Variants in GALNT18 observed in about 807,000 individuals in gnomAD.
GALNT18 encodes the protein polypeptide N-acetylgalactosaminyltransferase 18.
A neutral mutation model predicts 69.5 loss-of-function variants in GALNT18; 44 were observed. That is an observed-to-expected ratio of 0.63 (90% CI 0.50 to 0.81). GALNT18 has a LOEUF of 0.81. Ranked by LOEUF, GALNT18 falls within the 40% of genes least tolerant of loss-of-function variation. The pLI is 0.00. For missense variants in GALNT18, 715 were observed against 810.0 expected (o/e 0.88, Z 1.42); for synonymous variants, 364 against 318.2 (o/e 1.14, Z -1.53).
At position 11,454,087 on chromosome 11, in the gene GALNT18, T is replaced by A. The variant is rs2133827754; in HGVS notation, c.236-5151A>T. The stretch of plus-strand genomic sequence containing the variant: ...GCATTAGCAGTGGGTCGTCGTGAGG[T>A]CAGAAAACTCCCTGCCTACTAGAGA... On this transcript the variant is annotated intron_variant, in intron 1 of 10. Transcript: ENST00000227756. This position sits in a 1 kb window ranked among gnomAD's most constrained non-coding sequence, Gnocchi z 4.2. Among the ~76,000 whole-genome samples the A allele has an allele frequency of 6.6e-6, 1 of 152,076 alleles. No homozygotes were observed. The highest frequency in any genetic ancestry group is 1.9e-4 in the East Asian group (1 of 5,176).
At chr11:11,565,931 A>G (rs1001860460) in intron 1 of GALNT18, among the ~76,000 whole-genome samples, 3 of 152,340 alleles carry the variant, frequency 2.0e-5, no homozygotes, top group Admixed American at 2.0e-4. Flanking sequence ...AGGAAACCGC[A>G]GGAACAAAGA....
chr11:11,322,297 T>G (rs979504157), intron 9 of GALNT18, among the ~76,000 whole-genome samples: 1 of 152,238 alleles, frequency 6.6e-6, no homozygotes, highest in African/African-American at 2.4e-5. Flanking sequence ...GAATCCACAC[T>G]GTAAGTATAA....
chr11:11,506,057 G>T (rs1047898985), intron 1 of GALNT18, among the ~76,000 whole-genome samples: 3 of 152,188 alleles, frequency 2.0e-5, no homozygotes, highest in African/African-American at 7.2e-5. Context: ...GAACCATCTG[G>T]CTGCTTTAGT....
rs1849786404 is a variant in GALNT18, at chr11:11,318,103, T to C, written c.1512+8983A>G. On this transcript the variant is annotated intron_variant, in intron 9 of 10. Coordinates refer to ENST00000227756, the MANE Select transcript of GALNT18 (RefSeq NM_198516.3). The surrounding 1 kb of genome is among the most constrained non-coding windows in gnomAD (Gnocchi z 5.1). ...TACCCCTCTGAGTCAGGCAGGGCCA[T>C]GTTACCATGTCTGGCCAGTGAAATG... 1.3e-5 allele frequency among the ~76,000 whole-genome samples: 2 copies of C among 152,184 alleles called. No homozygotes were observed. Among genetic ancestry groups the C allele is most frequent in the South Asian group, 4.1e-4 (2 of 4,830 alleles).
At chr11:11,574,350 G>C (rs745564776) in intron 1 of GALNT18, among the ~76,000 whole-genome samples, 1 of 152,190 alleles carries the variant, frequency 6.6e-6, no homozygotes, top group Admixed American at 6.5e-5. Flanking sequence ...TCCCTAGACT[G>C]GGGGAGTAGA....
intron 1 of GALNT18, among the ~76,000 whole-genome samples, chr11:11,566,006 G>A (rs994630608): frequency 1.3e-5 from 2 of 152,194 alleles, no homozygotes; most frequent in African/African-American, 4.8e-5. Flanking sequence ...ACCTTACAGG[G>A]AATTGATGAG....
At position 11,338,756 on chromosome 11, in the gene GALNT18, A is replaced by T. The variant is rs1564900432; in HGVS notation, c.1278+2063T>A. On this transcript the variant is annotated intron_variant, in intron 7 of 10. Coordinates refer to ENST00000227756, the MANE Select transcript of GALNT18 (RefSeq NM_198516.3). The surrounding 1 kb of genome is among the most constrained non-coding windows in gnomAD (Gnocchi z 5.3). ...ATGGGTGGGAGTCCAATGCAAGAGT[A>T]GATGATATTACCCAGGGAGATGCGG... Among the ~76,000 whole-genome samples, 2 of 152,158 alleles carry T rather than the reference A, an allele frequency of 1.3e-5. No homozygotes were observed. Among genetic ancestry groups the T allele is most frequent in the Non-Finnish European group, 2.9e-5 (2 of 68,042 alleles).
intron 6 of GALNT18, among the ~76,000 whole-genome samples, chr11:11,371,829 G>C (rs1474101763): frequency 6.6e-6 from 1 of 152,186 alleles, no homozygotes; most frequent in African/African-American, 2.4e-5. Context: ...TGTTTTCACC[G>C]GCCAAGGGGG....
Position 11,436,089 on chromosome 11 carries a change from G to A in GALNT18, c.429-3302C>T, listed in dbSNP as rs4909999. Among the ~76,000 whole-genome samples the A allele has an allele frequency of 0.18, 27,128 of 152,198 alleles. 3,058 individuals are homozygous for A. Among genetic ancestry groups the A allele is most frequent in the East Asian group, 0.53 (2,724 of 5,148 alleles). On this transcript the variant is annotated intron_variant, in intron 2 of 10. Coordinates refer to ENST00000227756, the MANE Select transcript of GALNT18 (RefSeq NM_198516.3). The surrounding 1 kb of genome is among the most constrained non-coding windows in gnomAD (Gnocchi z 4.5). Reference sequence around the variant, plus strand: ...TGTGGCCCTGCGTGAGCAGAGAGGCGAGGGGTGGGCAGGGTAAGGAAGATG... The same window carrying A: ...TGTGGCCCTGCGTGAGCAGAGAGGCAAGGGGTGGGCAGGGTAAGGAAGATG...
Position 11,344,227 on chromosome 11 carries a change from ACGC to A in GALNT18, c.1093-3226_1093-3224del, listed in dbSNP as rs1167086429. 2.7e-5 allele frequency among the ~76,000 whole-genome samples: 4 copies of A among 146,030 alleles called. No homozygotes were observed. The East Asian group carries it at 8.1e-4, about 29-fold the overall frequency. On this transcript the variant is annotated intron_variant, in intron 6 of 10. Transcript: ENST00000227756. ...CTGCTACAGCCTCTATGCTGTAGCC[ACGC>A]TATTTTTTTTACTTCCTCTCACATG...
At chr11:11,479,243 T>C (rs2403509) in intron 1 of GALNT18, among the ~76,000 whole-genome samples, 1 of 152,134 alleles carries the variant, frequency 6.6e-6, no homozygotes, top group Non-Finnish European at 1.5e-5. Flanking sequence ...AAATAAAGTT[T>C]ACATCATGGA....
chr11:11,362,385 C>A (rs573489253), intron 6 of GALNT18, among the ~76,000 whole-genome samples: 1 of 151,642 alleles, frequency 6.6e-6, no homozygotes, highest in Non-Finnish European at 1.5e-5. Flanking sequence ...CAAACAAACA[C>A]GAGAAGTAAA....
chr11:11,576,636 T>C (rs181573804), intron 1 of GALNT18, among the ~76,000 whole-genome samples: 3 of 152,212 alleles, frequency 2.0e-5, no homozygotes, highest in Middle Eastern at 3.4e-3. Flanking sequence ...TGGAAGGAAA[T>C]GAAGCTAGGA....
chr11:11,532,514 A>G (rs1214196771), intron 1 of GALNT18, among the ~76,000 whole-genome samples: 1 of 152,164 alleles, frequency 6.6e-6, no homozygotes, highest in Admixed American at 6.5e-5. Context: ...CACGGTGGGC[A>G]CTCAATCAAT....
At chr11:11,594,834 TATATATACAC>T (rs1471211261) in intron 1 of GALNT18, among the ~76,000 whole-genome samples, 27 of 34,696 alleles carry the variant, frequency 7.8e-4, no homozygotes, top group South Asian at 1.8e-3. Flanking sequence ...TATATATATA[TATATATACAC>T]ATATACATAC....
In GALNT18 at chr11:11,315,441, T is replaced by G. The variant is rs1455746251; in HGVS notation, c.1512+11645A>C. The stretch of plus-strand genomic sequence containing the variant: ...AACACAGGCAAGGATACGTTAGGCA[T>G]GGGTCTTCATGGATTCTCAAAGGGC... On this transcript the variant is annotated intron_variant, in intron 9 of 10. Coordinates refer to ENST00000227756, the MANE Select transcript of GALNT18 (RefSeq NM_198516.3). The surrounding 1 kb of genome is among the most constrained non-coding windows in gnomAD (Gnocchi z 5.6). 6.6e-6 allele frequency among the ~76,000 whole-genome samples: 1 copy of G among 152,170 alleles called. No individual in the cohort carries two copies. The highest frequency in any genetic ancestry group is 1.5e-5 in the Non-Finnish European group (1 of 68,036).
intron 3 of GALNT18, among the ~76,000 whole-genome samples, chr11:11,412,642 C>A (rs899642688): frequency 6.6e-6 from 1 of 151,884 alleles, no homozygotes; most frequent in African/African-American, 2.4e-5. Context: ...GATTTGGACA[C>A]AGTCAATATC....
intron 6 of GALNT18, among the ~76,000 whole-genome samples, chr11:11,350,642 G>A (rs777762154): frequency 6.6e-6 from 1 of 152,190 alleles, no homozygotes; most frequent in Non-Finnish European, 1.5e-5. Flanking sequence ...CTTGCAGTCA[G>A]GAGGGTGCAA....
Position 11,555,153 on chromosome 11 carries a change from A to C in GALNT18, c.235+66206T>G, listed in dbSNP as rs955965220. ...TCGGGACTTGAACTAAGGACTCTGA[A>C]TGATGAGTCCTGCTCAGGATCCCTG... is the stretch of plus-strand genomic sequence containing the variant. On this transcript the variant is annotated intron_variant, in intron 1 of 10. Transcript: ENST00000227756. This position sits in a 1 kb window ranked among gnomAD's most constrained non-coding sequence, Gnocchi z 4.7. Among the ~76,000 whole-genome samples the C allele has an allele frequency of 1.3e-5, 2 of 152,228 alleles. No homozygotes were observed. The highest frequency in any genetic ancestry group is 2.9e-5 in the Non-Finnish European group (2 of 68,034).
Sources: allele counts gnomAD v4.1 joint callset (sites outside exome capture counted in the v4.1 genomes callset), GRCh38; gene constraint gnomAD v4.1.1; non-coding constraint Gnocchi (gnomAD v3.1); transcripts MANE v1.5; gene names NCBI Gene and HGNC (gene_info 2026-07-23, HGNC 2026-07-21).